Variants in DSCAM observed in about 807,000 individuals in gnomAD.
DSCAM encodes DS cell adhesion molecule, also known as cell adhesion molecule DSCAM.
DSCAM carries 47 observed loss-of-function variants against 217.7 expected under a neutral mutation model. The ratio of observed to expected loss-of-function variants is 0.22; its 90% CI spans 0.17 to 0.28. The LOEUF (loss-of-function observed/expected upper bound fraction) is 0.28, where lower values mean the gene tolerates loss of function less well. Among genes scored for constraint, DSCAM ranks in the 10% least tolerant of loss-of-function variants. DSCAM has a pLI of 1.00. For synonymous variants in DSCAM, 1,056 were observed against 1,015.3 expected (o/e 1.04, Z -0.76); for missense variants, 2,080 against 2,618.3 (o/e 0.79, Z 4.49).
intron 3 of DSCAM, among the ~76,000 whole-genome samples, chr21:40,449,317 T>C (rs2075700765): frequency 6.6e-6 from 1 of 152,126 alleles, no homozygotes; most frequent in Non-Finnish European, 1.5e-5. Flanking sequence ...GCATCTTTGG[T>C]GGGGGAGCAT....
chr21:40,592,962 G>A (rs1488180351), intron 3 of DSCAM, among the ~76,000 whole-genome samples: 1 of 152,156 alleles, frequency 6.6e-6, no homozygotes, highest in Non-Finnish European at 1.5e-5. Flanking sequence ...TGGAAACGAG[G>A]TTTTAAAAGA....
intron 3 of DSCAM, among the ~76,000 whole-genome samples, chr21:40,630,163 G>GT (rs1470964335): frequency 1.3e-5 from 2 of 152,256 alleles, no homozygotes; most frequent in Admixed American, 1.3e-4. Flanking sequence ...AAAGCACAAA[G>GT]TATGTCTAAT....
At chr21:40,374,963 A>G (rs1336470402) in intron 3 of DSCAM, among the ~76,000 whole-genome samples, 1 of 152,218 alleles carries the variant, frequency 6.6e-6, no homozygotes, top group Non-Finnish European at 1.5e-5. Context: ...TATTATCTTC[A>G]GAAGTCTTTT....
intron 3 of DSCAM, among the ~76,000 whole-genome samples, chr21:40,373,986 G>A (rs1382709202): frequency 6.6e-6 from 1 of 152,158 alleles, no homozygotes; most frequent in Non-Finnish European, 1.5e-5. Context: ...TGCATCTACT[G>A]CACAGCAGAG....
chr21:40,577,461 C>A (rs987094664), intron 3 of DSCAM, among the ~76,000 whole-genome samples: 1 of 151,994 alleles, frequency 6.6e-6, no homozygotes, highest in African/African-American at 2.4e-5. Context: ...GTGGCGCCCC[C>A]CTCCGAGCCG....
chr21:40,681,230 A>T (rs1479645849), intron 3 of DSCAM, among the ~76,000 whole-genome samples: 1 of 152,228 alleles, frequency 6.6e-6, no homozygotes, highest in Non-Finnish European at 1.5e-5. Context: ...GAGGATCTGA[A>T]ATGCAGGTGA....
At chr21:40,659,102 G>A (rs939686083) in intron 3 of DSCAM, among the ~76,000 whole-genome samples, 5 of 152,082 alleles carry the variant, frequency 3.3e-5, no homozygotes, top group Admixed American at 1.3e-4. Context: ...CATCAGTAAC[G>A]CTGCCCCCAC....
chr21:40,369,073 C>A (rs746263480), intron 4 of DSCAM, 26 bp downstream of exon 4: 1 of 1,582,996 alleles, frequency 6.3e-7, no homozygotes, highest in Middle Eastern at 1.7e-4. Flanking sequence ...GCAGACATAG[C>A]AGACAGAGTC....
chr21:40,429,889 C>T (rs886866190), intron 3 of DSCAM, among the ~76,000 whole-genome samples: 1 of 152,160 alleles, frequency 6.6e-6, no homozygotes. Flanking sequence ...AAGACATGAC[C>T]TCTTTCCTTA....
chr21:40,375,372 T>C (rs193156523), intron 3 of DSCAM, among the ~76,000 whole-genome samples: 90 of 152,380 alleles, frequency 5.9e-4, no homozygotes, highest in Admixed American at 2.0e-4. Flanking sequence ...TATGATAGTT[T>C]GGGCTTTGGC....
chr21:40,720,302 C>T (rs2090887739), intron 1 of DSCAM, among the ~76,000 whole-genome samples: 2 of 152,136 alleles, frequency 1.3e-5, no homozygotes, highest in Non-Finnish European at 2.9e-5. Context: ...GAAAGCATAA[C>T]ATTTAGCTGA....
chr21:40,331,841 A>G (rs1006670922), intron 8 of DSCAM, among the ~76,000 whole-genome samples: 3 of 152,220 alleles, frequency 2.0e-5, no homozygotes, highest in Admixed American at 1.3e-4. Context: ...TGACTCTGAA[A>G]GCTTGGTGCT....
chr21:40,247,789 T>C (rs1480060371), intron 11 of DSCAM, among the ~76,000 whole-genome samples: 2 of 152,328 alleles, frequency 1.3e-5, no homozygotes, highest in East Asian at 1.9e-4. Context: ...GGTGCCCCAG[T>C]AGGGACTCTG....
rs1054851097 is a variant in DSCAM at position 40,670,858 on chromosome 21, T to C, written c.508+21952A>G. 3.5e-4 allele frequency among the ~76,000 whole-genome samples: 54 copies of C among 152,220 alleles called. 1 individual carries two copies. Among genetic ancestry groups the C allele is most frequent in the African/African-American group, 9.6e-4 (40 of 41,458 alleles). On this transcript the variant is annotated intron_variant, in intron 3 of 32. Transcript: ENST00000400454. Reference sequence around the variant, plus strand: ...AAGTTAGTTCTCAGTTGCTTTTGCATAGGTGACTTAGCATTCCTAATCAGA... The same window carrying C: ...AAGTTAGTTCTCAGTTGCTTTTGCACAGGTGACTTAGCATTCCTAATCAGA...
At chr21:40,780,216 G>C (rs568036536) in intron 1 of DSCAM, among the ~76,000 whole-genome samples, 1 of 152,070 alleles carries the variant, frequency 6.6e-6, no homozygotes, top group East Asian at 1.9e-4. Flanking sequence ...TCCAAACAAA[G>C]TTCCAGAGCC....
chr21:40,276,651 T>C (rs2073691572), intron 10 of DSCAM, among the ~76,000 whole-genome samples: 1 of 152,144 alleles, frequency 6.6e-6, no homozygotes, highest in Non-Finnish European at 1.5e-5. Flanking sequence ...AGGGACTTAA[T>C]ATGAATGTAA....
At chr21:40,481,317 G>A (rs373550371) in intron 3 of DSCAM, among the ~76,000 whole-genome samples, 15 of 151,994 alleles carry the variant, frequency 9.9e-5, no homozygotes, top group Admixed American at 4.6e-4. Flanking sequence ...GTGAAACCCC[G>A]TCTCTACTAA....
Position 40,455,798 on chromosome 21 carries a change from G to A in DSCAM, c.509-86553C>T, listed in dbSNP as rs563089651. On this transcript the variant is annotated intron_variant, in intron 3 of 32. Transcript: ENST00000400454. Reference sequence around the variant, plus strand: ...AACAAACAAAACAAAACAAAAAAACGACATGGATGATAGATAAATAGATTG... The same window carrying A: ...AACAAACAAAACAAAACAAAAAAACAACATGGATGATAGATAAATAGATTG... Among the ~76,000 whole-genome samples the A allele has an allele frequency of 6.2e-4, 94 of 151,904 alleles. 1 individual carries two copies. Among genetic ancestry groups the A allele is most frequent in the Non-Finnish European group, 9.3e-4 (63 of 67,920 alleles).
intron 32 of DSCAM, among the ~76,000 whole-genome samples, chr21:40,021,642 C>T (rs76901306): frequency 0.029 from 4,439 of 152,204 alleles, 224 homozygotes; most frequent in African/African-American, 0.1. Flanking sequence ...TGACATCATG[C>T]TTCATTTCTC....
Sources: allele counts gnomAD v4.1 joint callset (sites outside exome capture counted in the v4.1 genomes callset), GRCh38; gene constraint gnomAD v4.1.1; transcripts MANE v1.5; gene names NCBI Gene and HGNC (gene_info 2026-07-23, HGNC 2026-07-21).